WDR41: variants seen among roughly 807,000 people sequenced by gnomAD.
The protein encoded by WDR41 is WD repeat domain 41.
WDR41 carries 63 observed loss-of-function variants against 69.3 expected under a neutral mutation model. The ratio of observed to expected loss-of-function variants is 0.91; its 90% confidence interval spans 0.74 to 1.12. The LOEUF is 1.12. WDR41 is among the 50% of genes most tolerant of loss of function. The pLI is 0.00. For synonymous variants in WDR41, 185 were observed against 192.1 expected, an observed-to-expected ratio of 0.96 and a Z score of 0.31; for missense variants, 543 against 534.5, an observed-to-expected ratio of 1.02 and a Z score of -0.16.
At chr5:77,612,371 G>C (rs1465066518) in intron 1 of WDR41, among the ~76,000 whole-genome samples, 2 of 152,178 alleles carry the variant, frequency 1.3e-5, no homozygotes, top group Non-Finnish European at 2.9e-5. Context: ...TATCCTTGAT[G>C]AACATTGATG....
intron 1 of WDR41, among the ~76,000 whole-genome samples, chr5:77,579,129 A>C (rs1042618900): frequency 2.0e-5 from 3 of 152,182 alleles, no homozygotes; most frequent in Non-Finnish European, 4.4e-5. Context: ...AATGAAGAAA[A>C]ATGAGCAGAG....
intron 2 of WDR41, among the ~76,000 whole-genome samples, chr5:77,485,056 C>T (rs866102900): frequency 1.3e-5 from 2 of 152,318 alleles, no homozygotes; most frequent in East Asian, 1.9e-4. Flanking sequence ...TTTCCTCCAG[C>T]GGTCCCCATT....
At chr5:77,510,766 A>ATTTTTT (rs58752727) in intron 1 of WDR41, among the ~76,000 whole-genome samples, 11 of 99,588 alleles carry the variant, frequency 1.1e-4, no homozygotes, top group East Asian at 3.0e-4. Context: ...TCCAAATTCA[A>ATTTTTT]TTTTTTTTTT....
In WDR41 at chr5:77,491,903, A is replaced by G; in HGVS notation, c.51+267T>C. The stretch of plus-strand genomic sequence containing the variant: ...ACTGCTGACCAGCTGAGCGTCCCTG[A>G]GCCAGGATCTCACGATTCAGCTAGC... On this transcript the variant is annotated intron_variant, in intron 1 of 12. Coordinates refer to ENST00000296679, the MANE Select transcript of WDR41 (RefSeq NM_018268.4). 5.9e-6 allele frequency: 3 copies of G among 505,026 alleles called. 1 individual carries two copies. The highest frequency in any genetic ancestry group is 1.0e-5 in the Non-Finnish European group (3 of 286,092). The allele number at this position is 505,026 out of a possible 1,614,324, so 31.3% of individuals were successfully genotyped here. A position where few individuals can be genotyped will look rare whatever the true frequency, so the allele number is the denominator to read the frequency against.
At chr5:77,610,415 G>A (rs541710989) in intron 1 of WDR41, among the ~76,000 whole-genome samples, 1 of 152,272 alleles carries the variant, frequency 6.6e-6, no homozygotes, top group African/African-American at 2.4e-5. Flanking sequence ...GAAAGGTCGG[G>A]TTACCCACAA....
intron 1 of WDR41, among the ~76,000 whole-genome samples, chr5:77,565,057 C>T (rs1272647198): frequency 6.6e-6 from 1 of 152,110 alleles, no homozygotes; most frequent in East Asian, 1.9e-4. Context: ...AGTGGGCTCC[C>T]AGCTCAGTAC....
chr5:77,475,620 A>G (rs1800880126), intron 2 of WDR41, among the ~76,000 whole-genome samples: 1 of 152,210 alleles, frequency 6.6e-6, no homozygotes, highest in South Asian at 2.1e-4. Context: ...CCTGTCTGTT[A>G]GAAGGAAAAC....
chr5:77,466,227 C>A (rs1800297981), intron 2 of WDR41, among the ~76,000 whole-genome samples: 1 of 151,588 alleles, frequency 6.6e-6, no homozygotes, highest in Non-Finnish European at 1.5e-5. Flanking sequence ...TATAAAAGAT[C>A]CGGAGATTAA....
At chr5:77,586,940 G>A (rs1744051022) in intron 1 of WDR41, among the ~76,000 whole-genome samples, 1 of 151,188 alleles carries the variant, frequency 6.6e-6, no homozygotes, top group Admixed American at 6.6e-5. Context: ...GGATGGTCTC[G>A]ATCTCCTGAC....
chr5:77,560,510 A>G (rs1007678449), intron 1 of WDR41, among the ~76,000 whole-genome samples: 3 of 152,186 alleles, frequency 2.0e-5, no homozygotes, highest in African/African-American at 7.2e-5. Flanking sequence ...ATTGCAATTT[A>G]TTTCAGAAAC....
At chr5:77,585,073 A>C (rs760611925) in intron 1 of WDR41, among the ~76,000 whole-genome samples, 5 of 152,104 alleles carry the variant, frequency 3.3e-5, no homozygotes, top group Non-Finnish European at 7.4e-5. Context: ...CAATCTATAC[A>C]TCTGACAAAG....
intron 1 of WDR41, among the ~76,000 whole-genome samples, chr5:77,509,343 G>T (rs1320362633): frequency 6.6e-6 from 1 of 151,900 alleles, no homozygotes; most frequent in Non-Finnish European, 1.5e-5. Flanking sequence ...CTGAAATGAA[G>T]GGGTCCCAGC....
intron 1 of WDR41, among the ~76,000 whole-genome samples, chr5:77,612,679 C>G (rs1274789050): frequency 6.6e-6 from 1 of 152,114 alleles, no homozygotes; most frequent in Admixed American, 6.6e-5. Context: ...AAACCCACAG[C>G]CAATATCAAA....
intron 2 of WDR41, among the ~76,000 whole-genome samples, chr5:77,470,544 C>T (rs1222527496): frequency 6.6e-6 from 1 of 151,926 alleles, no homozygotes; most frequent in Non-Finnish European, 1.5e-5. Context: ...ATCTCATGCA[C>T]GGAGACACAC....
intron 1 of WDR41, among the ~76,000 whole-genome samples, chr5:77,600,160 T>C (rs1283214891): frequency 6.6e-6 from 1 of 152,186 alleles, no homozygotes; most frequent in Non-Finnish European, 1.5e-5. Flanking sequence ...ATGGATTTAT[T>C]GAAATTACTG....
At chr5:77,598,567 T>C (rs1266274614) in intron 1 of WDR41, among the ~76,000 whole-genome samples, 1 of 151,362 alleles carries the variant, frequency 6.6e-6, no homozygotes, top group Non-Finnish European at 1.5e-5. Context: ...CTAGGCTCAG[T>C]GAACAACACT....
chr5:77,437,715 C>A (rs865885561), intron 10 of WDR41, among the ~76,000 whole-genome samples: 1 of 152,098 alleles, frequency 6.6e-6, no homozygotes, highest in Non-Finnish European at 1.5e-5. Flanking sequence ...CCTAAGCAGC[C>A]CCCTTCCCTC....
chr5:77,456,410 A>C (rs1799833899), intron 5 of WDR41, among the ~76,000 whole-genome samples: 1 of 152,188 alleles, frequency 6.6e-6, no homozygotes, highest in Non-Finnish European at 1.5e-5. Context: ...AATACAATTG[A>C]TTTCTGTGTG....
At chr5:77,607,247 A>T (rs1256637248) in intron 1 of WDR41, among the ~76,000 whole-genome samples, 1 of 152,246 alleles carries the variant, frequency 6.6e-6, no homozygotes, top group African/African-American at 2.4e-5. Flanking sequence ...CCACTGATCA[A>T]TTGTAGCATC....
Sources: gnomAD v4.1 joint callset for allele counts (sites outside exome capture counted in the v4.1 genomes callset) on GRCh38, gnomAD v4.1.1 for gene constraint, MANE v1.5 for transcripts, NCBI Gene and HGNC (gene_info 2026-07-23, HGNC 2026-07-21) for gene names.